Variants in MICAL1 observed in about 807,000 individuals in gnomAD.
The protein encoded by MICAL1 is microtubule associated monooxygenase, calponin and LIM domain containing 1.
MICAL1 carries 95 observed loss-of-function variants against 131.8 expected under a neutral mutation model. The ratio of observed to expected loss-of-function variants is 0.72; its 90% CI spans 0.61 to 0.86. The LOEUF (loss-of-function observed/expected upper bound fraction) is 0.86. MICAL1 is among the 40% of genes least tolerant of loss of function. The pLI is 0.00. For synonymous variants in MICAL1, 546 were observed against 554.2 expected (o/e 0.99, Z 0.21); for missense variants, 1,292 against 1,380.6 (o/e 0.94, Z 1.02).
At chr6:109,457,646 C>T (rs1231723448), upstream of MICAL1, among the ~76,000 whole-genome samples, 1 of 152,192 alleles carries the variant, frequency 6.6e-6, no homozygotes, top group Non-Finnish European at 1.5e-5. Flanking sequence ...AGCCGCTCCA[C>T]TTACTACAAC....
At chr6:109,449,295 G>A (rs543241293) in intron 11 of MICAL1, 105 bp downstream of exon 11, 36 of 1,244,290 alleles carry the variant, frequency 2.9e-5, no homozygotes, top group African/African-American at 7.4e-5. Flanking sequence ...TGAGTGCTCC[G>A]GCACGCTGCT....
chr6:109,451,655 T>C lies in MICAL1; in HGVS notation c.878A>G (p.Tyr293Cys), dbSNP rs766021284. The C allele has an allele frequency of 1.2e-6, 2 of 1,613,972 alleles. No homozygotes were observed. Among genetic ancestry groups the C allele is most frequent in the African/African-American group, 2.7e-5 (2 of 75,026 alleles). Residue 293 changes from tyrosine (Y) to cysteine (C), a missense_variant, in exon 7 of 25, where the codon TAC becomes TGC. Coordinates refer to ENST00000358807, the MANE Select transcript of MICAL1 (RefSeq NM_022765.4). ...NIVYYKDDTHYFVMTAKKQCL... is the reference protein window; with the variant it reads ...NIVYYKDDTHCFVMTAKKQCL... ...CTGCTTCTTGGCTGTCATCACAAAG[T>C]AGTGGGTGTCGTCCTTGTAGTACAC... is the stretch of plus-strand genomic sequence containing the variant.
intron 17 of MICAL1, 107 bp downstream of exon 17, chr6:109,446,966 T>G: frequency 1.4e-6 from 2 of 1,401,642 alleles, no homozygotes; most frequent in Non-Finnish European, 2.0e-6. Flanking sequence ...GAGAACGAAG[T>G]GCCATCTTGA....
chr6:109,457,966 A>C (rs1188517446), upstream of MICAL1, among the ~76,000 whole-genome samples: 1 of 152,174 alleles, frequency 6.6e-6, no homozygotes, highest in Non-Finnish European at 1.5e-5. Context: ...CTTGGATGTC[A>C]CCAACCACAC....
chr6:109,451,771 A>G, intron 6 of MICAL1, 71 bp from the exon 7 acceptor site: 1 of 1,586,058 alleles, frequency 6.3e-7, no homozygotes, highest in African/African-American at 1.3e-5. Context: ...ACATCCCAAC[A>G]TGGCCTGACC....
At position 109,453,812 on chromosome 6, in the gene MICAL1, G is replaced by T. The variant is rs200600122; in HGVS notation, c.292C>A (p.Arg98=). The stretch of plus-strand genomic sequence containing the variant: ...AGCAGCGCCAGCTCCACAGCGACCC[G>T]CAGCCCGCAAGGTCCAGCACCCACC... ...LVVGAGPCGL[R]VAVELALLGA... The change falls in exon 3 of 25, where the codon CGG becomes AGG. Residue 98 remains arginine, a synonymous_variant. Transcript: ENST00000358807. The T allele has an allele frequency of 1.2e-5, 19 of 1,613,504 alleles. No homozygotes were observed. Among genetic ancestry groups the T allele is most frequent in the Middle Eastern group, 1.6e-4 (1 of 6,062 alleles).
chr6:109,448,264 C>T lies in MICAL1; in HGVS notation c.1794G>A (p.Leu598=), dbSNP rs753537779. The T allele has an allele frequency of 1.9e-6, 3 of 1,613,898 alleles. No homozygotes were observed. The Admixed American group carries it at 5.0e-5, about 27-fold the overall frequency. ...AQAVVAGSDP[L]GLIAYLSHFH... ...AGTGGCTGAGGTAGGCAATGAGGCC[C>T]AGTGGGTCACTCCCTGCTACCACGG... The change falls in exon 13 of 25, where the codon CTG becomes CTA. Residue 598 remains leucine, a synonymous_variant. Transcript: ENST00000358807.
chr6:109,447,958 C>T lies in MICAL1; in HGVS notation c.1861G>A (p.Val621Ile), dbSNP rs1775312422. The stretch of plus-strand genomic sequence containing the variant: ...GAGGTCCCTGGGGAGGCCTGGCTGA[C>T]AGGGCCTGCGGGGAGAGCCAGGGCA... ...FKSMAHSPGPVSQASPGTSSA... is the reference protein window; with the variant it reads ...FKSMAHSPGPISQASPGTSSA... The change falls in exon 14 of 25, where the codon GTC (valine) becomes ATC (isoleucine). Residue 621 changes from valine (V) to isoleucine (I), a missense_variant. Physicochemically the swap from Val to Ile is conservative, Grantham distance 29. Transcript: ENST00000358807. 6.2e-7 allele frequency: 1 copy of T among 1,607,796 alleles called. No homozygotes were observed. The highest frequency in any genetic ancestry group is 8.5e-7 in the Non-Finnish European group (1 of 1,176,956).
Position 109,450,484 on chromosome 6 carries a change from G to T in MICAL1, c.1007C>A (p.Ala336Glu). 1.9e-6 allele frequency: 3 copies of T among 1,613,372 alleles called. No homozygotes were observed. Among genetic ancestry groups the T allele is most frequent in the African/African-American group, 1.3e-5 (1 of 75,074 alleles). The change falls in exon 8 of 25, where the codon GCA (alanine) becomes GAA (glutamate). Residue 336 changes from alanine to glutamate, a missense_variant. By Grantham distance (107) the Ala-to-Glu change is moderately radical (BLOSUM62 -1). Transcript: ENST00000358807. ...GCCATGGGTGGCAAAGTCAGCAGCTGCCCGGGTAAAGCGCTGCAGAGCCTC... is the reference window on the plus strand; with the variant it reads ...GCCATGGGTGGCAAAGTCAGCAGCTTCCCGGGTAAAGCGCTGCAGAGCCTC... ...VPEALQRFTR[A>E]AADFATHGKL...
Position 109,449,662 on chromosome 6 carries a change from T to C in MICAL1, c.1429A>G (p.Asn477Asp), listed in dbSNP as rs770186867. 6.3e-7 allele frequency: 1 copy of C among 1,582,040 alleles called. No homozygotes were observed. The highest frequency in any genetic ancestry group is 8.6e-7 in the Non-Finnish European group (1 of 1,164,080). Residue 477 changes from asparagine to aspartate, a missense_variant, in exon 10 of 25, where the codon AAT (asparagine) becomes GAT (aspartate). By Grantham distance (23) the Asn-to-Asp change is conservative (BLOSUM62 1). Coordinates refer to ENST00000358807, the MANE Select transcript of MICAL1 (RefSeq NM_022765.4). ...PNLNLRAVTP[N>D]QVRDLYDVLA... ...GGGTGTGTCGGGGGTCTGACCTGAT[T>C]GGGGGTCACTGCCCGGAGGTTCAGG...
rs745534449 is a variant in MICAL1 at position 109,449,348 on chromosome 6, C to T, written c.1516+52G>A. The T allele has an allele frequency of 1.3e-5, 20 of 1,586,246 alleles. No homozygotes were observed. The African/African-American group carries it at 2.6e-4, about 20-fold the overall frequency. On this transcript the variant is annotated intron_variant, in intron 11 of 24. Coordinates refer to ENST00000358807, the MANE Select transcript of MICAL1 (RefSeq NM_022765.4). ...GCTGCTTTGCAGGGACCACCTGGGC[C>T]TCGCTGGGTAGTACATATTTTGGTC... is the stretch of plus-strand genomic sequence containing the variant.
chr6:109,458,429 C>G (rs1775809623), upstream of MICAL1, among the ~76,000 whole-genome samples: 2 of 152,022 alleles, frequency 1.3e-5, no homozygotes, highest in Non-Finnish European at 2.9e-5. Flanking sequence ...AACCCCAACT[C>G]TATGAAAAAT....
chr6:109,447,532 G>T, intron 15 of MICAL1, 92 bp from the exon 16 acceptor site: 1 of 1,523,406 alleles, frequency 6.6e-7, no homozygotes, highest in Non-Finnish European at 9.0e-7. Context: ...CTGAAGGGAA[G>T]GGGAGTGAGA....
chr6:109,456,804 C>A (rs1251886934), upstream of MICAL1, among the ~76,000 whole-genome samples: 5 of 152,154 alleles, frequency 3.3e-5, no homozygotes, highest in Admixed American at 2.0e-4. Context: ...TCCCATTTTA[C>A]CAAAAAGGAA....
intron 1 of MICAL1, among the ~76,000 whole-genome samples, chr6:109,461,931 T>A (rs1035754510): frequency 2.0e-5 from 3 of 152,148 alleles, no homozygotes; most frequent in Non-Finnish European, 4.4e-5. Flanking sequence ...CCAATAAGCA[T>A]AATAATTACT....
intron 7 of MICAL1, among the ~76,000 whole-genome samples, chr6:109,450,950 A>G (rs1023959314): frequency 9.2e-5 from 14 of 152,130 alleles, no homozygotes; most frequent in Non-Finnish European, 1.5e-4. Context: ...TAGGCACTCA[A>G]CTAGTTCATT....
At chr6:109,463,329 CAAAG>C (rs1426882359) in intron 1 of MICAL1, 1 of 152,128 alleles carries the variant, frequency 6.6e-6, no homozygotes, top group African/African-American at 2.4e-5. Context: ...ATATGTGGGA[CAAAG>C]AAAGAGGCTA....
chr6:109,464,812 A>C (rs764827718), intron 1 of MICAL1: 1 of 152,202 alleles, frequency 6.6e-6, no homozygotes, highest in Non-Finnish European at 1.5e-5. Context: ...TCTCTAAAAA[A>C]GGAAAGATTA....
Position 109,444,785 on chromosome 6 carries a change from T to A in MICAL1, c.2995A>T (p.Asn999Tyr), listed in dbSNP as rs1228076041. Reference protein sequence around the residue: ...AELMITVQELNLEEKQWQLDQ... With the variant: ...AELMITVQELYLEEKQWQLDQ... ...AGCTGCCACTGTTTCTCCTCCAGATTCAATTCCTGCACCCTGTGGAGGTCA... is the reference window on the plus strand; with the variant it reads ...AGCTGCCACTGTTTCTCCTCCAGATACAATTCCTGCACCCTGTGGAGGTCA... Residue 999 changes from asparagine (N) to tyrosine (Y), a missense_variant, in exon 24 of 25, where the codon AAT becomes TAT. Physicochemically the swap from Asn to Tyr is moderately radical, Grantham distance 143. Transcript: ENST00000358807. 1 of 1,614,150 alleles carries A rather than the reference T, an allele frequency of 6.2e-7. No individual in the cohort carries two copies. Among genetic ancestry groups the A allele is most frequent in the Admixed American group, 1.7e-5 (1 of 60,024 alleles).
Sources: allele counts gnomAD v4.1 joint callset (sites outside exome capture counted in the v4.1 genomes callset), GRCh38; gene constraint gnomAD v4.1.1; transcripts MANE v1.5; gene names NCBI Gene and HGNC (gene_info 2026-07-23, HGNC 2026-07-21).